Variants in TAFA2 observed in about 807,000 individuals in gnomAD.
The protein encoded by TAFA2 is chemokine-like protein TAFA-2.
TAFA2 carries 7 observed loss-of-function variants against 18.8 expected under a neutral mutation model. The observed-to-expected ratio is 0.37, with a 90% CI of 0.21 to 0.70. The LOEUF is 0.70. TAFA2 is among the 30% of genes least tolerant of loss of function. TAFA2 has a pLI of 0.53. For missense variants in TAFA2, 122 were observed against 158.1 expected, an observed-to-expected ratio of 0.77 and a Z score of 1.23; for synonymous variants, 60 against 54.2, an observed-to-expected ratio of 1.11 and a Z score of -0.47.
At chr12:62,157,195 G>A (rs2062375603) in intron 1 of TAFA2, among the ~76,000 whole-genome samples, 1 of 151,920 alleles carries the variant, frequency 6.6e-6, no homozygotes, top group Non-Finnish European at 1.5e-5. Context: ...ACATATAATA[G>A]ACTTATTGTG....
intron 1 of TAFA2, among the ~76,000 whole-genome samples, chr12:61,955,808 A>G (rs995125864): frequency 3.5e-4 from 53 of 151,636 alleles, no homozygotes; most frequent in African/African-American, 1.2e-3. Context: ...CACAATGAAC[A>G]TAACAGTGAA....
chr12:61,741,281 TGTGA>T (rs953351948), intron 4 of TAFA2, among the ~76,000 whole-genome samples: 56 of 151,580 alleles, frequency 3.7e-4, no homozygotes, highest in South Asian at 1.0e-3. Flanking sequence ...TGTGTGTGTG[TGTGA>T]GTGTGTGTGT....
At chr12:61,869,365 T>C (rs904770278) in intron 1 of TAFA2, among the ~76,000 whole-genome samples, 2 of 152,226 alleles carry the variant, frequency 1.3e-5, no homozygotes, top group African/African-American at 4.8e-5. Context: ...ATAGTCTGTG[T>C]AAAAGGTTTA....
At chr12:61,911,097 T>C (rs552196047) in intron 1 of TAFA2, among the ~76,000 whole-genome samples, 2 of 152,328 alleles carry the variant, frequency 1.3e-5, no homozygotes, top group Non-Finnish European at 2.9e-5. Flanking sequence ...AAAATAGTCA[T>C]ATGCACTTTA....
chr12:61,920,674 GT>G (rs1426196275), intron 1 of TAFA2, among the ~76,000 whole-genome samples: 1 of 152,038 alleles, frequency 6.6e-6, no homozygotes, highest in Non-Finnish European at 1.5e-5. Flanking sequence ...CATAAACTCT[GT>G]TTTTTGCTTG....
intron 1 of TAFA2, among the ~76,000 whole-genome samples, chr12:61,938,956 G>T (rs1877885316): frequency 6.6e-6 from 1 of 151,516 alleles, no homozygotes; most frequent in Admixed American, 6.6e-5. Flanking sequence ...CTACAAATAG[G>T]GTACAATGTA....
In TAFA2 at chr12:62,171,583, G is replaced by A. The variant is rs574617833; in HGVS notation, c.-2+19676C>T. ...GATTAGTGTCCTTATAAAAGAGGCC[G>A]AAGGGAGCTTGCTTGCCCTTTTCAC... On this transcript the variant is annotated intron_variant, in intron 1 of 4. Transcript: ENST00000416284. Among the ~76,000 whole-genome samples the A allele has an allele frequency of 1.6e-3, 236 of 152,238 alleles. 1 individual carries two copies. Among genetic ancestry groups the A allele is most frequent in the Non-Finnish European group, 2.7e-3 (182 of 68,022 alleles).
At chr12:62,179,757 A>C (rs2062539201) in intron 1 of TAFA2, among the ~76,000 whole-genome samples, 2 of 152,192 alleles carry the variant, frequency 1.3e-5, no homozygotes, top group South Asian at 4.1e-4. Context: ...AGAGAAATCT[A>C]GAACAAACTT....
At chr12:62,043,504 C>T (rs903980560) in intron 1 of TAFA2, among the ~76,000 whole-genome samples, 1 of 152,008 alleles carries the variant, frequency 6.6e-6, no homozygotes, top group Non-Finnish European at 1.5e-5. Flanking sequence ...AGGAGATACA[C>T]CTAATGTTAA....
intron 1 of TAFA2, among the ~76,000 whole-genome samples, chr12:61,922,329 A>G (rs1877087837): frequency 6.6e-6 from 1 of 151,220 alleles, no homozygotes; most frequent in African/African-American, 2.4e-5. Flanking sequence ...GAATAGGAAC[A>G]GCTCCGGTCT....
At chr12:62,042,976 A>C (rs1881804644) in intron 1 of TAFA2, among the ~76,000 whole-genome samples, 1 of 152,156 alleles carries the variant, frequency 6.6e-6, no homozygotes, top group Non-Finnish European at 1.5e-5. Flanking sequence ...TAGTTTTATA[A>C]AATAAAAATT....
chr12:61,852,228 G>A (rs1463355385), intron 2 of TAFA2, among the ~76,000 whole-genome samples: 1 of 151,062 alleles, frequency 6.6e-6, no homozygotes, highest in Non-Finnish European at 1.5e-5. Flanking sequence ...AAAAAGAATT[G>A]CAATAGTTCA....
intron 2 of TAFA2, among the ~76,000 whole-genome samples, chr12:61,816,374 T>G (rs1462359868): frequency 3.3e-5 from 5 of 151,550 alleles, no homozygotes; most frequent in African/African-American, 4.9e-5. Context: ...TATGGCTGCA[T>G]AGTATTCCAT....
At chr12:61,964,271 C>T (rs1878993851) in intron 1 of TAFA2, among the ~76,000 whole-genome samples, 1 of 151,994 alleles carries the variant, frequency 6.6e-6, no homozygotes, top group African/African-American at 2.4e-5. Context: ...AAGAAACTAT[C>T]ATCAGAGTGA....
intron 1 of TAFA2, among the ~76,000 whole-genome samples, chr12:61,984,469 C>G (rs916786755): frequency 1.3e-5 from 2 of 152,148 alleles, no homozygotes; most frequent in African/African-American, 2.4e-5. Context: ...CATTAGTGAA[C>G]AGAGGACTGC....
chr12:62,064,937 T>G (rs1485834928), intron 1 of TAFA2, among the ~76,000 whole-genome samples: 1 of 152,074 alleles, frequency 6.6e-6, no homozygotes, highest in Admixed American at 6.6e-5. Flanking sequence ...AGGTTCAGTT[T>G]CCATTGTCTA....
chr12:62,249,403 T>C (rs2062901755), intron 1 of TAFA2, among the ~76,000 whole-genome samples: 1 of 152,156 alleles, frequency 6.6e-6, no homozygotes, highest in Admixed American at 6.5e-5. Flanking sequence ...CTACTTAATC[T>C]GTGTCCTTCA....
chr12:61,924,422 G>T (rs1047146708), intron 1 of TAFA2, among the ~76,000 whole-genome samples: 1 of 152,170 alleles, frequency 6.6e-6, no homozygotes, highest in African/African-American at 2.4e-5. Flanking sequence ...AGAAGAGAGT[G>T]GGGGCCAATA....
At chr12:61,941,696 G>A (rs992568766) in intron 1 of TAFA2, among the ~76,000 whole-genome samples, 1 of 152,188 alleles carries the variant, frequency 6.6e-6, no homozygotes, top group Non-Finnish European at 1.5e-5. Context: ...GGTGACAGAT[G>A]CACCTGGAAA....
Sources: gnomAD v4.1 joint callset for allele counts (sites outside exome capture counted in the v4.1 genomes callset) on GRCh38, gnomAD v4.1.1 for gene constraint, MANE v1.5 for transcripts, NCBI Gene and HGNC (gene_info 2026-07-23, HGNC 2026-07-21) for gene names.